PRKCI: variants seen among roughly 807,000 people sequenced by gnomAD.
The protein encoded by PRKCI is protein kinase C iota.
In PRKCI, 43 loss-of-function variants were observed where a neutral mutation model predicts 84.0. The observed-to-expected ratio is 0.51, with a 90% CI of 0.40 to 0.66. The LOEUF (loss-of-function observed/expected upper bound fraction) is 0.66. PRKCI is among the 30% of genes least tolerant of loss of function. The pLI is 0.00. For synonymous variants in PRKCI, 216 were observed against 234.4 expected (o/e 0.92, Z 0.72); for missense variants, 459 against 745.6 (o/e 0.62, Z 4.48).
intron 12 of PRKCI, among the ~76,000 whole-genome samples, chr3:170,286,213 C>T (rs916201805): frequency 2.7e-4 from 41 of 152,246 alleles, no homozygotes; most frequent in African/African-American, 9.4e-4. Context: ...AGATGTGAGC[C>T]ACCATGCCCG....
intron 8 of PRKCI, among the ~76,000 whole-genome samples, chr3:170,277,255 GA>G (rs113651180): frequency 0.024 from 3,269 of 135,962 alleles, 61 homozygotes; most frequent in East Asian, 0.094. Context: ...TTTAAAAAAA[GA>G]AAAAAAAAAG....
chr3:170,228,224 G>A (rs1180308321), intron 1 of PRKCI, among the ~76,000 whole-genome samples: 1 of 152,140 alleles, frequency 6.6e-6, no homozygotes, highest in Non-Finnish European at 1.5e-5. Flanking sequence ...GGCTGAGAAC[G>A]ATAATAGAAA....
At position 170,292,051 on chromosome 3, in the gene PRKCI, T is replaced by G. The variant is rs1268776647; in HGVS notation, c.1291+110T>G. ...GCATTTTGACGTGATCTTATTAATA[T>G]AAGGATTCTTGATCCTGTTAAAAAC... On this transcript the variant is annotated intron_variant, in intron 13 of 17. Coordinates refer to ENST00000295797, the MANE Select transcript of PRKCI (RefSeq NM_002740.6). 8.9e-6 allele frequency: 7 copies of G among 783,466 alleles called. No individual in the cohort carries two copies. In the African/African-American group the frequency reaches 1.0e-4, roughly 12 times the overall value. 48.5% of individuals were successfully genotyped at this position (783,466 alleles called of 1,614,324 possible). A position where few individuals can be genotyped will look rare whatever the true frequency, so the allele number is the denominator to read the frequency against.
rs138894233 is a variant in PRKCI, at chr3:170,241,677, C to CAG, written c.223+6340_223+6341dup. Among the ~76,000 whole-genome samples, 34 of 149,722 alleles carry CAG rather than the reference C, an allele frequency of 2.3e-4. No homozygotes were observed. In the South Asian group the frequency reaches 6.9e-3, roughly 30 times the overall value. ...AGAGAGGGAGAGAGAGAGACAGAGA[C>CAG]AGAGAGAGAGAGAGAAAAGGCCTCA... On this transcript the variant is annotated intron_variant, in intron 2 of 17. Coordinates refer to ENST00000295797, the MANE Select transcript of PRKCI (RefSeq NM_002740.6).
intron 16 of PRKCI, among the ~76,000 whole-genome samples, chr3:170,297,661 G>A (rs539083872): frequency 1.8e-4 from 27 of 150,856 alleles, no homozygotes; most frequent in Non-Finnish European, 3.4e-4. Flanking sequence ...TCACAATGTC[G>A]GCCAGGCTGG....
rs1733751909 is a variant in PRKCI at position 170,262,512 on chromosome 3, A to T, written c.314-867A>T. Among the ~76,000 whole-genome samples, 5 of 151,952 alleles carry T rather than the reference A, an allele frequency of 3.3e-5. No individual in the cohort carries two copies. In the South Asian group the frequency reaches 8.3e-4, roughly 25 times the overall value. Reference sequence around the variant, plus strand: ...GTTTTTGTTTCTGAGATGGTGTCTCATTCTGTCACCTGGGCTGGAGTGCAG... The same window carrying T: ...GTTTTTGTTTCTGAGATGGTGTCTCTTTCTGTCACCTGGGCTGGAGTGCAG... On this transcript the variant is annotated intron_variant, in intron 3 of 17. Coordinates refer to ENST00000295797, the MANE Select transcript of PRKCI (RefSeq NM_002740.6).
intron 8 of PRKCI, among the ~76,000 whole-genome samples, chr3:170,277,433 G>A (rs1305653847): frequency 6.6e-6 from 1 of 151,890 alleles, no homozygotes; most frequent in Non-Finnish European, 1.5e-5. Flanking sequence ...CAACTTGGGC[G>A]TGATGGCTCA....
intron 3 of PRKCI, among the ~76,000 whole-genome samples, chr3:170,261,095 C>G (rs961259049): frequency 6.6e-6 from 1 of 151,562 alleles, no homozygotes; most frequent in Admixed American, 6.6e-5. Flanking sequence ...TAACTGAGAC[C>G]ACAGGCACTG....
intron 15 of PRKCI, among the ~76,000 whole-genome samples, chr3:170,297,100 G>C (rs1429300747): frequency 1.3e-5 from 2 of 152,154 alleles, no homozygotes; most frequent in South Asian, 4.1e-4. Context: ...TTAATTACAT[G>C]ATGGGTGGAG....
chr3:170,230,083 T>G (rs1476581104), intron 1 of PRKCI, among the ~76,000 whole-genome samples: 1 of 152,158 alleles, frequency 6.6e-6, no homozygotes, highest in Non-Finnish European at 1.5e-5. Flanking sequence ...TTTTAAAAAT[T>G]TCCTTGATAG....
intron 2 of PRKCI, among the ~76,000 whole-genome samples, chr3:170,239,098 C>G (rs1733055078): frequency 6.6e-6 from 1 of 152,156 alleles, no homozygotes; most frequent in African/African-American, 2.4e-5. Flanking sequence ...AAAAATTAAA[C>G]TAGTTTTTCA....
chr3:170,243,376 T>G lies in PRKCI; in HGVS notation c.223+8025T>G, dbSNP rs77323852. 1.6e-4 allele frequency among the ~76,000 whole-genome samples: 24 copies of G among 152,330 alleles called. No individual in the cohort carries two copies. The East Asian group carries it at 4.6e-3, about 29-fold the overall frequency. ...CATTCCTTCTTATTGCTGAGTAGTA[T>G]TCTATCCTGTGGATGTACTACAATT... is the stretch of plus-strand genomic sequence containing the variant. On this transcript the variant is annotated intron_variant, in intron 2 of 17. Transcript: ENST00000295797.
chr3:170,287,025 G>A (rs778715576), intron 12 of PRKCI, among the ~76,000 whole-genome samples: 3 of 151,862 alleles, frequency 2.0e-5, no homozygotes, highest in Non-Finnish European at 4.4e-5. Flanking sequence ...AAGCCACCAC[G>A]CCCGACTGAA....
intron 5 of PRKCI, among the ~76,000 whole-genome samples, chr3:170,270,181 T>TA (rs1733962925): frequency 6.6e-6 from 1 of 152,242 alleles, no homozygotes; most frequent in Admixed American, 6.5e-5. Context: ...TGAAAATTCT[T>TA]AGACTTAGAA....
chr3:170,289,497 G>A (rs970861959), intron 12 of PRKCI, among the ~76,000 whole-genome samples: 51 of 152,124 alleles, frequency 3.4e-4, no homozygotes, highest in African/African-American at 1.2e-3. Flanking sequence ...AGGAAGGGCC[G>A]GGCACAGTGC....
At chr3:170,236,293 G>T (rs569953497) in intron 2 of PRKCI, among the ~76,000 whole-genome samples, 1 of 151,452 alleles carries the variant, frequency 6.6e-6, no homozygotes, top group Non-Finnish European at 1.5e-5. Context: ...TAGAGACGGG[G>T]TTTTGCCGTG....
At chr3:170,240,773 T>G (rs193224063) in intron 2 of PRKCI, among the ~76,000 whole-genome samples, 1 of 152,310 alleles carries the variant, frequency 6.6e-6, no homozygotes, top group Non-Finnish European at 1.5e-5. Context: ...GAATTTTATG[T>G]TGGAGCAAGT....
chr3:170,222,627 C>A lies in PRKCI; in HGVS notation c.-43C>A. On this transcript the variant is annotated 5_prime_UTR_variant, in exon 1 of 18. Transcript: ENST00000295797. ...TCCCCCACGGCGCCCGAAGCGCCCC[C>A]CCGCACCCCCGGCCTCCAGCGTTGA... 2 of 1,500,208 alleles carry A rather than the reference C, an allele frequency of 1.3e-6. No homozygotes were observed. The highest frequency in any genetic ancestry group is 1.4e-5 in the African/African-American group (1 of 69,498). 92.9% of individuals were successfully genotyped at this position (1,500,208 alleles called of 1,614,324 possible). A position where few individuals can be genotyped will look rare whatever the true frequency, so the allele number is the denominator to read the frequency against.
In PRKCI at chr3:170,305,685, A is replaced by T. The variant is rs1174256275; in HGVS notation, c.*2558A>T. On this transcript the variant is annotated 3_prime_UTR_variant, in exon 18 of 18. Coordinates refer to ENST00000295797, the MANE Select transcript of PRKCI (RefSeq NM_002740.6). ...GCCAATTGTTCTTATATTCTATAGA[A>T]GTTCGCTCAAAATACTCAACAGGGG... 2.0e-5 allele frequency: 3 copies of T among 152,216 alleles called. No individual in the cohort carries two copies. Among genetic ancestry groups the T allele is most frequent in the Non-Finnish European group, 4.4e-5 (3 of 68,026 alleles). The allele number at this position is 152,216 out of a possible 1,614,324, so 9.4% of individuals were successfully genotyped here. A position where few individuals can be genotyped will look rare whatever the true frequency, so the allele number is the denominator to read the frequency against.
Sources: gnomAD v4.1 joint callset for allele counts (sites outside exome capture counted in the v4.1 genomes callset) on GRCh38, gnomAD v4.1.1 for gene constraint, MANE v1.5 for transcripts, NCBI Gene and HGNC (gene_info 2026-07-23, HGNC 2026-07-21) for gene names.